ASCC3: variants seen among roughly 807,000 people sequenced by gnomAD.
ASCC3 encodes the protein ASC-1 complex subunit P200.
ASCC3 carries 158 observed loss-of-function variants against 256.3 expected under a neutral mutation model. The observed-to-expected ratio is 0.62, with a 90% CI of 0.54 to 0.70. The LOEUF (loss-of-function observed/expected upper bound fraction) is 0.70. Ranked by LOEUF, ASCC3 falls within the 30% of genes least tolerant of loss-of-function variation. The probability of loss-of-function intolerance (pLI) is 0.00; values close to 1 mark genes in which losing one functional copy is unlikely to be tolerated. For missense variants in ASCC3, 2,259 were observed against 2,626.0 expected, an observed-to-expected ratio of 0.86 and a Z score of 3.05; for synonymous variants, 948 against 883.4, an observed-to-expected ratio of 1.07 and a Z score of -1.30.
intron 17 of ASCC3, among the ~76,000 whole-genome samples, chr6:100,653,365 C>A (rs1033043388): frequency 3.3e-5 from 5 of 152,006 alleles, no homozygotes; most frequent in African/African-American, 7.2e-5. Flanking sequence ...TCCGGCCGGG[C>A]ACAGTGGCTC....
chr6:100,713,448 G>A (rs1477254343), intron 13 of ASCC3, among the ~76,000 whole-genome samples: 2 of 152,112 alleles, frequency 1.3e-5, no homozygotes, highest in Non-Finnish European at 2.9e-5. Context: ...AGGATGTTTA[G>A]GTCAGTGAAA....
At chr6:100,569,231 C>T (rs1282823181) in intron 36 of ASCC3, among the ~76,000 whole-genome samples, 1 of 152,078 alleles carries the variant, frequency 6.6e-6, no homozygotes, top group Admixed American at 6.6e-5. Context: ...GGAGTCCCTT[C>T]TGCATTGCTT....
chr6:100,772,157 A>G (rs1340705738), intron 8 of ASCC3, among the ~76,000 whole-genome samples: 4 of 152,178 alleles, frequency 2.6e-5, no homozygotes, highest in Non-Finnish European at 5.9e-5. Context: ...CTGGGATTAC[A>G]GGCATGAGCC....
At chr6:100,842,498 G>A (rs889863129) in intron 4 of ASCC3, among the ~76,000 whole-genome samples, 2 of 152,122 alleles carry the variant, frequency 1.3e-5, no homozygotes, top group Admixed American at 6.5e-5. Flanking sequence ...AGAATATACT[G>A]AATGCAAAAG....
chr6:100,567,591 T>C (rs141096717), intron 36 of ASCC3, among the ~76,000 whole-genome samples: 2 of 152,304 alleles, frequency 1.3e-5, no homozygotes, highest in African/African-American at 4.8e-5. Flanking sequence ...CTCCAGTGTC[T>C]ACAGTCATCT....
At chr6:100,676,762 TCACA>T (rs75606780) in intron 14 of ASCC3, among the ~76,000 whole-genome samples, 2,316 of 150,726 alleles carry the variant, frequency 0.015, 54 homozygotes, top group African/African-American at 0.052. Flanking sequence ...ACACACACAC[TCACA>T]CACACACACA....
rs760429782 is a variant in ASCC3, at chr6:100,848,191, T to A, written c.758A>T (p.Asp253Val). ...RVEDLCCTLYDMLASIKSGDE... is the reference protein window; with the variant it reads ...RVEDLCCTLYVMLASIKSGDE... ...ACCACTTTTAATAGAAGCAAGCATA[T>A]CATATAAAGTACAGCAAAGATCTTC... The change falls in exon 4 of 42, where the codon GAT becomes GTT. Residue 253 changes from aspartate (D) to valine (V), a missense_variant. By Grantham distance (152) the Asp-to-Val change is radical. Around this residue, in one of 2 missense-constraint regions of ASCC3, gnomAD observed 420 missense variants for 419.3 expected, o/e 1.00. Coordinates refer to ENST00000369162, the MANE Select transcript of ASCC3 (RefSeq NM_006828.4). The A allele has an allele frequency of 1.9e-6, 3 of 1,605,830 alleles. No homozygotes were observed. The highest frequency in any genetic ancestry group is 2.5e-6 in the Non-Finnish European group (3 of 1,177,136).
chr6:100,784,773 T>C (rs975500508), intron 8 of ASCC3, among the ~76,000 whole-genome samples: 1 of 152,048 alleles, frequency 6.6e-6, no homozygotes, highest in African/African-American at 2.4e-5. Context: ...TTTTTGGTAA[T>C]AGATAAATTT....
At chr6:100,618,915 T>G (rs1773804988) in intron 30 of ASCC3, among the ~76,000 whole-genome samples, 1 of 152,186 alleles carries the variant, frequency 6.6e-6, no homozygotes, top group South Asian at 2.1e-4. Context: ...GGAACTCACT[T>G]CATAAAGGAA....
At chr6:100,745,090 A>T (rs1780600433) in intron 10 of ASCC3, among the ~76,000 whole-genome samples, 1 of 152,202 alleles carries the variant, frequency 6.6e-6, no homozygotes, top group Non-Finnish European at 1.5e-5. Context: ...GCACTTTGGG[A>T]GGCCGAGGCA....
chr6:100,791,537 G>T (rs4839791), intron 8 of ASCC3, among the ~76,000 whole-genome samples: 10,229 of 151,848 alleles, frequency 0.067, 784 homozygotes, highest in East Asian at 0.3. Context: ...CACTGTTTCC[G>T]ATGAAGATCA....
intron 10 of ASCC3, among the ~76,000 whole-genome samples, chr6:100,738,489 C>A (rs1780286135): frequency 6.6e-6 from 1 of 152,136 alleles, no homozygotes; most frequent in Non-Finnish European, 1.5e-5. Context: ...TTCCCCACTG[C>A]TTGGTTTTGT....
intron 10 of ASCC3, 133 bp downstream of exon 10, chr6:100,766,432 G>A (rs1259327019): frequency 1.0e-6 from 1 of 973,504 alleles, no homozygotes; most frequent in African/African-American, 1.6e-5. Flanking sequence ...ACAAGATGTG[G>A]TTACAAATAA....
At chr6:100,740,508 ATCTG>A (rs1780384794) in intron 10 of ASCC3, among the ~76,000 whole-genome samples, 1 of 152,128 alleles carries the variant, frequency 6.6e-6, no homozygotes, top group Non-Finnish European at 1.5e-5. Context: ...AGTCTCAGTG[ATCTG>A]TCTAAAATTG....
At chr6:100,774,571 T>C (rs1164730933) in intron 8 of ASCC3, among the ~76,000 whole-genome samples, 1 of 152,156 alleles carries the variant, frequency 6.6e-6, no homozygotes, top group East Asian at 1.9e-4. Context: ...TTCAGCATGT[T>C]AGCCAGGATG....
intron 34 of ASCC3, among the ~76,000 whole-genome samples, chr6:100,593,355 T>C (rs780738610): frequency 1.3e-5 from 2 of 152,058 alleles, no homozygotes; most frequent in Non-Finnish European, 2.9e-5. Flanking sequence ...ATCATAAAAA[T>C]TTACAAAGTT....
chr6:100,874,354 T>C (rs1773889602), intron 1 of ASCC3, among the ~76,000 whole-genome samples: 2 of 149,058 alleles, frequency 1.3e-5, no homozygotes, highest in Non-Finnish European at 3.0e-5. Context: ...TAGTCCCAGC[T>C]ACTAAGGAGG....
At chr6:100,666,305 A>G (rs1458749879) in intron 14 of ASCC3, among the ~76,000 whole-genome samples, 1 of 152,120 alleles carries the variant, frequency 6.6e-6, no homozygotes, top group Non-Finnish European at 1.5e-5. Context: ...TTTTTTGTAT[A>G]TATTAATATG....
chr6:100,527,481 T>G (rs1774635441), intron 37 of ASCC3, among the ~76,000 whole-genome samples: 1 of 152,212 alleles, frequency 6.6e-6, no homozygotes, highest in Admixed American at 6.5e-5. Flanking sequence ...CTATTTTCAC[T>G]GCTAAATGTA....
Sources: allele counts gnomAD v4.1 joint callset (sites outside exome capture counted in the v4.1 genomes callset), GRCh38; gene constraint gnomAD v4.1.1; regional missense constraint gnomAD v4.1.1; transcripts MANE v1.5; gene names NCBI Gene and HGNC (gene_info 2026-07-23, HGNC 2026-07-21).